Variants in CUL2 observed in about 807,000 individuals in gnomAD.
CUL2 encodes cullin 2, also known as cullin-2.
A neutral mutation model predicts 110.2 loss-of-function variants in CUL2; 22 were observed. The ratio of observed to expected loss-of-function variants is 0.20; its 90% CI spans 0.14 to 0.28. CUL2 has a LOEUF of 0.28. Ranked by LOEUF, CUL2 falls within the 10% of genes least tolerant of loss-of-function variation. The pLI is 1.00. For synonymous variants in CUL2, 279 were observed against 293.2 expected, an observed-to-expected ratio of 0.95 and a Z score of 0.49; for missense variants, 631 against 905.5, an observed-to-expected ratio of 0.70 and a Z score of 3.89.
chr10:35,030,926 T>C (rs1045277488), intron 14 of CUL2, among the ~76,000 whole-genome samples: 8 of 152,096 alleles, frequency 5.3e-5, no homozygotes, highest in African/African-American at 1.9e-4. Context: ...TGCAAGAAAA[T>C]TTATTGAATA....
intron 3 of CUL2, among the ~76,000 whole-genome samples, chr10:35,061,596 T>C (rs2086383679): frequency 6.6e-6 from 1 of 152,106 alleles, no homozygotes; most frequent in Admixed American, 6.6e-5. Flanking sequence ...AACTTTAACA[T>C]ACTAAACACT....
chr10:35,015,293 C>CAAA (rs201140168), intron 18 of CUL2, among the ~76,000 whole-genome samples: 2 of 80,804 alleles, frequency 2.5e-5, no homozygotes, highest in Non-Finnish European at 4.9e-5. Context: ...AACTCCGTCT[C>CAAA]AAAAAAAAAA....
intron 1 of CUL2, among the ~76,000 whole-genome samples, chr10:35,102,058 G>A (rs532898535): frequency 2.7e-5 from 4 of 150,680 alleles, no homozygotes; most frequent in African/African-American, 9.8e-5. Context: ...TGGCCAATAA[G>A]GTGAAACCCC....
rs2084839979 is a variant in CUL2 at position 35,009,247 on chromosome 10, A to G, written c.*1064T>C. On this transcript the variant is annotated 3_prime_UTR_variant, in exon 21 of 21. Coordinates refer to ENST00000374749, the MANE Select transcript of CUL2 (RefSeq NM_003591.4). ...AAATAAACAAAATAATGGGATTTAT[A>G]TATGTGGCACCCAGTACAATGTACA... 2 of 148,976 alleles carry G rather than the reference A, an allele frequency of 1.3e-5. No homozygotes were observed. Among genetic ancestry groups the G allele is most frequent in the African/African-American group, 2.4e-5 (1 of 40,820 alleles). 9.2% of individuals were successfully genotyped at this position (148,976 alleles called of 1,614,324 possible).
upstream of CUL2, among the ~76,000 whole-genome samples, chr10:35,094,179 A>G (rs1277365111): frequency 6.6e-6 from 1 of 152,142 alleles, no homozygotes; most frequent in African/African-American, 2.4e-5. Context: ...ACAATACAAG[A>G]ATGGCATAAT....
intron 1 of CUL2, among the ~76,000 whole-genome samples, chr10:35,114,439 A>G (rs2087566101): frequency 6.6e-6 from 1 of 151,402 alleles, no homozygotes; most frequent in South Asian, 2.1e-4. Context: ...CTGGAGTGCT[A>G]TGGCACAATC....
Position 35,054,468 on chromosome 10 carries a change from A to G in CUL2, c.389T>C (p.Val130Ala). The G allele has an allele frequency of 6.3e-7, 1 of 1,593,958 alleles. No homozygotes were observed. The highest frequency in any genetic ancestry group is 2.3e-5 in the East Asian group (1 of 43,858). Residue 130 changes from valine to alanine, a missense_variant, in exon 5 of 21, where the codon GTA (valine) becomes GCA (alanine). Physicochemically the swap from Val to Ala is moderately conservative, Grantham distance 64 (BLOSUM62 0). Around this residue, in one of 3 missense-constraint regions of CUL2, gnomAD observed 338 missense variants for 442.5 expected, o/e 0.76. Coordinates refer to ENST00000374749, the MANE Select transcript of CUL2 (RefSeq NM_003591.4). Reference protein sequence around the residue: ...EADLQYGYGGVDMNEPLMEIG... With the variant: ...EADLQYGYGGADMNEPLMEIG... ...TTCCATAAGTGGTTCATTCATATCTACACCACCATAGCCATACTGAAGGTC... is the reference window on the plus strand; with the variant it reads ...TTCCATAAGTGGTTCATTCATATCTGCACCACCATAGCCATACTGAAGGTC...
At chr10:35,107,117 T>G (rs1047030068) in intron 1 of CUL2, among the ~76,000 whole-genome samples, 3 of 151,930 alleles carry the variant, frequency 2.0e-5, no homozygotes, top group Non-Finnish European at 1.5e-5. Flanking sequence ...TGGGACTACA[T>G]GCGCCCACCA....
Position 35,025,202 on chromosome 10 carries a change from T to TGAAAA in CUL2, c.1618-5_1618-4insTTTTC. 7.0e-7 allele frequency: 1 copy of TGAAAA among 1,434,432 alleles called. No homozygotes were observed. Among genetic ancestry groups the TGAAAA allele is most frequent in the Non-Finnish European group, 9.2e-7 (1 of 1,086,556 alleles). The allele number at this position is 1,434,432 out of a possible 1,614,324, so 88.9% of individuals were successfully genotyped here. A position where few individuals can be genotyped will look rare whatever the true frequency, so the allele number is the denominator to read the frequency against. On this transcript the variant is annotated splice_region_variant and splice_polypyrimidine_tract_variant and intron_variant, in intron 16 of 20. Coordinates refer to ENST00000374749, the MANE Select transcript of CUL2 (RefSeq NM_003591.4). The stretch of plus-strand genomic sequence containing the variant: ...GTTGGCTATAAAATAATTCAAACTG[T>TGAAAA]AAAAAAAAAAAAAAAACACACATTA...
chr10:35,017,699 A>C (rs1476198688), intron 17 of CUL2, among the ~76,000 whole-genome samples: 3 of 151,976 alleles, frequency 2.0e-5, no homozygotes, highest in African/African-American at 7.3e-5. Flanking sequence ...TCTCAAAAAA[A>C]AAAAAAAAAT....
intron 1 of CUL2, among the ~76,000 whole-genome samples, chr10:35,087,238 T>G (rs1458852966): frequency 6.6e-6 from 1 of 152,182 alleles, no homozygotes; most frequent in Non-Finnish European, 1.5e-5. Context: ...AATTATTTTT[T>G]GTAGACATGG....
chr10:35,025,215 A>C lies in CUL2; in HGVS notation c.1618-17T>G, dbSNP rs754655036. 1.7e-5 allele frequency: 26 copies of C among 1,561,118 alleles called. No homozygotes were observed. Among genetic ancestry groups the C allele is most frequent in the Non-Finnish European group, 1.8e-5 (21 of 1,161,994 alleles). ...TAATTCAAACTGTAAAAAAAAAAAA[A>C]AAACACACATTATTTTTAGCTACTA... On this transcript the variant is annotated splice_polypyrimidine_tract_variant and intron_variant, in intron 16 of 20. Transcript: ENST00000374749.
intron 10 of CUL2, among the ~76,000 whole-genome samples, chr10:35,034,480 A>T (rs1415044701): frequency 4.6e-5 from 7 of 152,226 alleles, no homozygotes; most frequent in Non-Finnish European, 8.8e-5. Flanking sequence ...GCTCCTGAAC[A>T]GTGACGTCTA....
chr10:35,033,435 T>C (rs1480634160), intron 10 of CUL2, among the ~76,000 whole-genome samples, 162 bp from the exon 11 acceptor site: 1 of 152,056 alleles, frequency 6.6e-6, no homozygotes, highest in Non-Finnish European at 1.5e-5. Context: ...TCTTAGAAAT[T>C]TACAACTTTG....
rs769460605 is a variant in CUL2 at position 35,062,954 on chromosome 10, G to C, written c.222+6C>G. 10 of 1,485,278 alleles carry C rather than the reference G, an allele frequency of 6.7e-6. No individual in the cohort carries two copies. The highest frequency in any genetic ancestry group is 9.4e-6 in the Non-Finnish European group (10 of 1,065,008). The allele number at this position is 1,485,278 out of a possible 1,614,324, so 92.0% of individuals were successfully genotyped here. A position where few individuals can be genotyped will look rare whatever the true frequency, so the allele number is the denominator to read the frequency against. The stretch of plus-strand genomic sequence containing the variant: ...ATATTTATATCACGTATGTATCATT[G>C]CTTACCTTATGCAAATGCCGAACAT... On this transcript the variant is annotated splice_donor_region_variant and intron_variant, in intron 3 of 20. Coordinates refer to ENST00000374749, the MANE Select transcript of CUL2 (RefSeq NM_003591.4).
chr10:35,030,505 C>T (rs12763028), intron 14 of CUL2, among the ~76,000 whole-genome samples: 20,570 of 151,996 alleles, frequency 0.14, 1,581 homozygotes, highest in South Asian at 0.2. Flanking sequence ...ACCTCAGCCA[C>T]CTGAGTAACT....
intron 1 of CUL2, among the ~76,000 whole-genome samples, chr10:35,103,134 G>A (rs1469564619): frequency 1.3e-5 from 2 of 151,586 alleles, no homozygotes; most frequent in African/African-American, 4.8e-5. Context: ...AAATCTACTT[G>A]ACTCAAAAAA....
intron 4 of CUL2, among the ~76,000 whole-genome samples, chr10:35,055,471 G>A (rs568110083): frequency 4.6e-5 from 7 of 152,304 alleles, no homozygotes; most frequent in African/African-American, 7.2e-5. Flanking sequence ...CGGGGCTCAC[G>A]CCTGTAATCC....
intron 1 of CUL2, among the ~76,000 whole-genome samples, chr10:35,113,415 T>C (rs920028702): frequency 2.8e-5 from 4 of 142,766 alleles, no homozygotes; most frequent in Middle Eastern, 4.0e-3. Context: ...GTAGAATTGC[T>C]TGAACCTGGG....
Sources: allele counts gnomAD v4.1 joint callset (sites outside exome capture counted in the v4.1 genomes callset), GRCh38; gene constraint gnomAD v4.1.1; regional missense constraint gnomAD v4.1.1; transcripts MANE v1.5; gene names NCBI Gene and HGNC (gene_info 2026-07-23, HGNC 2026-07-21).